RANBP2: variants seen among roughly 807,000 people sequenced by gnomAD.
RANBP2 encodes RAN binding protein 2, also known as E3 SUMO-protein ligase RanBP2.
Under a neutral mutation model 303.6 loss-of-function variants are expected in RANBP2, and 57 were observed. The ratio of observed to expected loss-of-function variants is 0.19; its 90% CI spans 0.15 to 0.23. The LOEUF is 0.23. Ranked by LOEUF, RANBP2 falls within the 10% of genes least tolerant of loss-of-function variation. The probability of loss-of-function intolerance (pLI) is 1.00; values close to 1 mark genes in which losing one functional copy is unlikely to be tolerated. For missense variants in RANBP2, 3,138 were observed against 3,780.8 expected, an observed-to-expected ratio of 0.83 and a Z score of 4.46; for synonymous variants, 1,167 against 1,301.5, an observed-to-expected ratio of 0.90 and a Z score of 2.23.
At chr2:109,702,473 G>A in the RANBP2 span, among the ~76,000 whole-genome samples, 1 of 152,132 alleles carries the variant, frequency 6.6e-6, no homozygotes, top group African/African-American at 2.4e-5. Flanking sequence ...CCTGAACTCT[G>A]GTCTGAAGGC....
At chr2:109,697,407 C>T in the RANBP2 span, among the ~76,000 whole-genome samples, 21 of 151,740 alleles carry the variant, frequency 1.4e-4, no homozygotes, top group Admixed American at 1.3e-3. Flanking sequence ...ATTGCTTGAA[C>T]CTGGGAGGCA....
the RANBP2 span, chr2:109,585,838 T>C: frequency 6.2e-7 from 1 of 1,612,150 alleles, no homozygotes; most frequent in Non-Finnish European, 8.5e-7. Flanking sequence ...TTTTCTCTTT[T>C]CTGAAGGAAA....
the RANBP2 span, among the ~76,000 whole-genome samples, chr2:109,645,354 C>T: frequency 6.6e-6 from 1 of 152,252 alleles, no homozygotes; most frequent in South Asian, 2.1e-4. Context: ...AGAGTGGGCA[C>T]CCAGCCCCTT....
chr2:109,479,547 C>T, the RANBP2 span, among the ~76,000 whole-genome samples: 2 of 152,050 alleles, frequency 1.3e-5, no homozygotes, highest in Non-Finnish European at 2.9e-5. Flanking sequence ...GTCCAGCTTC[C>T]ACCGGCCTCA....
At chr2:109,191,791 A>G in the RANBP2 span, among the ~76,000 whole-genome samples, 1 of 152,204 alleles carries the variant, frequency 6.6e-6, no homozygotes, top group East Asian at 1.9e-4. Context: ...CCTGTTGGGC[A>G]AAGTCCCCAG....
chr2:109,339,585 T>A, the RANBP2 span, among the ~76,000 whole-genome samples: 2 of 152,030 alleles, frequency 1.3e-5, no homozygotes, highest in Non-Finnish European at 2.9e-5. Flanking sequence ...CCCTGGAGGG[T>A]GCCTGGGTGG....
At chr2:109,194,653 G>T in the RANBP2 span, among the ~76,000 whole-genome samples, 1 of 152,216 alleles carries the variant, frequency 6.6e-6, no homozygotes, top group South Asian at 2.1e-4. Context: ...GGAAGAGATG[G>T]GTTTGGTGAT....
the RANBP2 span, among the ~76,000 whole-genome samples, chr2:109,506,665 G>C: frequency 6.6e-6 from 1 of 152,208 alleles, no homozygotes; most frequent in Non-Finnish European, 1.5e-5. Context: ...CATTTTACAG[G>C]TAAAGAAGCT....
At chr2:109,537,960 CACAT>C in the RANBP2 span, among the ~76,000 whole-genome samples, 46 of 152,070 alleles carry the variant, frequency 3.0e-4, no homozygotes, top group African/African-American at 1.1e-3. Flanking sequence ...AACACACACA[CACAT>C]ACACACACAC....
chr2:109,047,965 C>G, the RANBP2 span, among the ~76,000 whole-genome samples: 1 of 152,200 alleles, frequency 6.6e-6, no homozygotes, highest in Non-Finnish European at 1.5e-5. Flanking sequence ...GCCCCTCTGC[C>G]CACCTTGACT....
At chr2:108,886,628 G>A in the RANBP2 span, among the ~76,000 whole-genome samples, 1 of 152,018 alleles carries the variant, frequency 6.6e-6, no homozygotes, top group Non-Finnish European at 1.5e-5. Flanking sequence ...TAGCCAGGAT[G>A]GTCTCCATCT....
chr2:109,208,084 G>A, the RANBP2 span, among the ~76,000 whole-genome samples: 1 of 150,818 alleles, frequency 6.6e-6, no homozygotes, highest in Non-Finnish European at 1.5e-5. Context: ...GCCTGTGCTG[G>A]GCACAGTGCT....
At chr2:109,722,138 G>A in the RANBP2 span, among the ~76,000 whole-genome samples, 1 of 152,324 alleles carries the variant, frequency 6.6e-6, no homozygotes, top group South Asian at 2.1e-4. Flanking sequence ...TGGCTGAGCT[G>A]AGAAGGTTGC....
At chr2:108,935,197 C>T in the RANBP2 span, among the ~76,000 whole-genome samples, 1 of 152,178 alleles carries the variant, frequency 6.6e-6, no homozygotes, top group East Asian at 1.9e-4. Flanking sequence ...CTGCCTTTGG[C>T]CCTTCCTTCC....
chr2:108,741,665 C>G, intron 7 of RANBP2, among the ~76,000 whole-genome samples: 1 of 151,070 alleles, frequency 6.6e-6, no homozygotes. Flanking sequence ...GCCAGCATGC[C>G]CAGCTAATTT....
At chr2:109,531,727 G>A in the RANBP2 span, among the ~76,000 whole-genome samples, 2 of 152,154 alleles carry the variant, frequency 1.3e-5, no homozygotes, top group Non-Finnish European at 1.5e-5. Flanking sequence ...GCTCTGTCAC[G>A]TCAAATACTT....
At chr2:109,629,302 G>GAT in the RANBP2 span, among the ~76,000 whole-genome samples, 35 of 77,678 alleles carry the variant, frequency 4.5e-4, no homozygotes, top group East Asian at 2.0e-3. Flanking sequence ...CTGGCCTAAA[G>GAT]ATATATATAT....
the RANBP2 span, among the ~76,000 whole-genome samples, chr2:108,792,078 A>G: frequency 6.6e-6 from 1 of 152,232 alleles, no homozygotes; most frequent in Admixed American, 6.5e-5. Context: ...TTTGACTACA[A>G]TATTTTGAGA....
the RANBP2 span, among the ~76,000 whole-genome samples, chr2:109,652,875 C>T: frequency 6.6e-6 from 1 of 152,142 alleles, no homozygotes; most frequent in African/African-American, 2.4e-5. Context: ...AATAAGTCCC[C>T]AGTGTCTTAG....
Sources: allele counts gnomAD v4.1 joint callset (sites outside exome capture counted in the v4.1 genomes callset), GRCh38; gene constraint gnomAD v4.1.1; transcripts MANE v1.5; gene names NCBI Gene and HGNC (gene_info 2026-07-23, HGNC 2026-07-21).